Variants in MINDY4B observed in about 807,000 individuals in gnomAD.
MINDY4B encodes the protein inactive ubiquitin carboxyl-terminal hydrolase MINDY-4B.
Under a neutral mutation model 16.7 loss-of-function variants are expected in MINDY4B, and 25 were observed. That is an observed-to-expected ratio of 1.49 (90% CI 1.09 to 2.09). The LOEUF is 2.09. Ranked by LOEUF, MINDY4B falls within the 30% of genes most tolerant of loss-of-function variation. The pLI is 0.00. For synonymous variants in MINDY4B, 132 were observed against 61.9 expected (o/e 2.13, Z -5.32); for missense variants, 327 against 168.4 (o/e 1.94, Z -5.21).
intron 3 of MINDY4B, 38 bp from the exon 4 acceptor site, chr3:150,894,343 A>G: frequency 1.5e-6 from 1 of 671,012 alleles, no homozygotes; most frequent in Non-Finnish European, 2.7e-6. Context: ...ACAAAAGAGA[A>G]TTCTTCCTAG....
At chr3:150,903,116 C>A in intron 3 of MINDY4B, 133 bp downstream of exon 3, 1 of 396,482 alleles carries the variant, frequency 2.5e-6, no homozygotes, top group Non-Finnish European at 4.4e-6. Flanking sequence ...ATTATATTCT[C>A]CTTTTACCAA....
intron 3 of MINDY4B, among the ~76,000 whole-genome samples, chr3:150,899,442 T>C (rs952670721): frequency 6.6e-6 from 1 of 152,160 alleles, no homozygotes; most frequent in African/African-American, 2.4e-5. Flanking sequence ...GGGAAGTCAT[T>C]ATGACCCCTA....
intron 10 of MINDY4B, among the ~76,000 whole-genome samples, chr3:150,874,845 G>A (rs1717055254): frequency 1.3e-5 from 2 of 152,204 alleles, no homozygotes; most frequent in South Asian, 4.1e-4. Context: ...AAATTCTTCA[G>A]CTGTGGGTGA....
At chr3:150,886,928 G>T (rs1031502735) in intron 7 of MINDY4B, among the ~76,000 whole-genome samples, 1 of 152,128 alleles carries the variant, frequency 6.6e-6, no homozygotes, top group Non-Finnish European at 1.5e-5. Flanking sequence ...TTATCCATGG[G>T]TGATAAGTTC....
intron 8 of MINDY4B, among the ~76,000 whole-genome samples, chr3:150,884,931 CT>C (rs1398385861): frequency 6.6e-6 from 1 of 152,192 alleles, no homozygotes; most frequent in Admixed American, 6.5e-5. Flanking sequence ...CTTTCCCAGC[CT>C]GGACTCTGCA....
chr3:150,896,632 G>T (rs1398076666), intron 3 of MINDY4B, among the ~76,000 whole-genome samples: 1 of 152,154 alleles, frequency 6.6e-6, no homozygotes, highest in Non-Finnish European at 1.5e-5. Flanking sequence ...GAGAGCTGCA[G>T]TGATTGTTAT....
intron 11 of MINDY4B, among the ~76,000 whole-genome samples, chr3:150,871,694 C>T (rs1391293732): frequency 6.6e-6 from 1 of 152,088 alleles, no homozygotes. Context: ...ACTAAAAATA[C>T]AGAAAATTAG....
At chr3:150,880,071 T>C (rs1294854451) in intron 10 of MINDY4B, among the ~76,000 whole-genome samples, 2 of 152,270 alleles carry the variant, frequency 1.3e-5, no homozygotes, top group Non-Finnish European at 2.9e-5. Flanking sequence ...ACATCCATGA[T>C]TTCCTCTGCT....
Position 150,903,269 on chromosome 3 carries a change from T to C in MINDY4B, c.289A>G (p.Ile97Val). 1 of 398,542 alleles carries C rather than the reference T, an allele frequency of 2.5e-6. No homozygotes were observed. The highest frequency in any genetic ancestry group is 2.1e-5 in the African/African-American group (1 of 48,746). The allele number at this position is 398,542 out of a possible 1,614,324, so 24.7% of individuals were successfully genotyped here. The change falls in exon 3 of 12, where the codon ATC becomes GTC. Residue 97 changes from isoleucine (I) to valine (V), a missense_variant. Coordinates refer to ENST00000465419, the MANE Select transcript of MINDY4B (RefSeq NM_001351281.2). The part of the protein sequence containing the change: ...IISSKLGGFP[I>V]SLAMATKLRQ... ...CTTACCGTGGCCATTGCTAGGGAGA[T>C]AGGAAAGCCACCCAATTTTGAAGAG...
Position 150,886,524 on chromosome 3 carries a change from G to A in MINDY4B, c.754-1086C>T, listed in dbSNP as rs73152601. On this transcript the variant is annotated intron_variant, in intron 7 of 11. Transcript: ENST00000465419. ...TTGCTGCTGTAACAAAGTGCCACAG[G>A]CTTGGTGGCTTAAAACAACACGAAT... Among the ~76,000 whole-genome samples, 923 of 152,302 alleles carry A rather than the reference G, an allele frequency of 6.1e-3. 3 individuals carry two copies. Among genetic ancestry groups the A allele is most frequent in the Middle Eastern group, 0.034 (10 of 294 alleles).
intron 3 of MINDY4B, chr3:150,901,528 T>TTTC (rs1559969743): frequency 2.3e-5 from 2 of 88,722 alleles, no homozygotes; most frequent in South Asian, 3.0e-4. Flanking sequence ...TTTTCTTTTT[T>TTTC]TTTTTTTTTT....
rs772027771 is a variant in MINDY4B, at chr3:150,905,055, T to G, written c.141+7A>C. On this transcript the variant is annotated splice_region_variant and intron_variant, in intron 2 of 11. Coordinates refer to ENST00000465419, the MANE Select transcript of MINDY4B (RefSeq NM_001351281.2). ...GAGAACACACTGGCTTTGGGAAAAG[T>G]AATTACCTGAGGAGTTGAATTATTG... 5.3e-5 allele frequency: 21 copies of G among 398,418 alleles called. No individual in the cohort carries two copies. The highest frequency in any genetic ancestry group is 8.8e-5 in the Admixed American group (2 of 22,712). The allele number at this position is 398,418 out of a possible 1,614,324, so 24.7% of individuals were successfully genotyped here. A position where few individuals can be genotyped will look rare whatever the true frequency, so the allele number is the denominator to read the frequency against.
intron 3 of MINDY4B, among the ~76,000 whole-genome samples, chr3:150,899,539 T>G (rs1244081690): frequency 6.6e-6 from 1 of 152,094 alleles, no homozygotes; most frequent in Non-Finnish European, 1.5e-5. Context: ...GGAGAGGGAC[T>G]CAGCTAGCCA....
In MINDY4B at chr3:150,893,426, G is replaced by A. The variant is rs776907723; in HGVS notation, c.430-11C>T. On this transcript the variant is annotated splice_polypyrimidine_tract_variant and intron_variant, in intron 4 of 11. Transcript: ENST00000465419. The stretch of plus-strand genomic sequence containing the variant: ...GCTTCGGGCCCCTCCCTGAAATGAG[G>A]AGAATGAATGACGAGGTGAAGAACT... 2.4e-5 allele frequency: 17 copies of A among 701,664 alleles called. No homozygotes were observed. The highest frequency in any genetic ancestry group is 1.9e-4 in the African/African-American group (11 of 57,048). 43.5% of individuals were successfully genotyped at this position (701,664 alleles called of 1,614,324 possible).
intron 5 of MINDY4B, 120 bp downstream of exon 5, chr3:150,893,204 T>G: frequency 1.5e-6 from 1 of 654,642 alleles, no homozygotes; most frequent in South Asian, 1.7e-5. Flanking sequence ...GACAGGGCCA[T>G]TTCTGTCTTA....
chr3:150,891,066 A>G lies in MINDY4B; in HGVS notation c.559T>C (p.Leu187=), dbSNP rs747732418. 5.7e-6 allele frequency: 4 copies of G among 702,814 alleles called. No individual in the cohort carries two copies. The highest frequency in any genetic ancestry group is 1.0e-5 in the Non-Finnish European group (4 of 384,802). 43.5% of individuals were successfully genotyped at this position (702,814 alleles called of 1,614,324 possible). The change falls in exon 6 of 12, where the codon TTG becomes CTG. Residue 187 remains leucine (L), a synonymous_variant. Coordinates refer to ENST00000465419, the MANE Select transcript of MINDY4B (RefSeq NM_001351281.2). ...AGGATGCCAGCAAGCGCCGCGGCCA[A>G]GGCTTGCTCCTGCTCCTTCTTGCTT... ...EISKKEQEQA[L]AAALAGILWA...
At chr3:150,889,504 C>T (rs942148458) in intron 7 of MINDY4B, among the ~76,000 whole-genome samples, 1 of 152,216 alleles carries the variant, frequency 6.6e-6, no homozygotes, top group Non-Finnish European at 1.5e-5. Context: ...TGACTAACAA[C>T]CTTAATATCC....
chr3:150,880,552 G>A (rs1711514187), intron 10 of MINDY4B, among the ~76,000 whole-genome samples: 1 of 152,266 alleles, frequency 6.6e-6, no homozygotes, highest in Non-Finnish European at 1.5e-5. Context: ...TAAGTGAGTT[G>A]TTTGAAAGAA....
At chr3:150,893,706 GGT>G (rs1491543340) in intron 4 of MINDY4B, among the ~76,000 whole-genome samples, 555 of 35,084 alleles carry the variant, frequency 0.016, 13 homozygotes, top group Middle Eastern at 0.11. Flanking sequence ...TGGGGGGGGG[GGT>G]GGGGTGCAGT....
Sources: gnomAD v4.1 joint callset for allele counts (sites outside exome capture counted in the v4.1 genomes callset) on GRCh38, gnomAD v4.1.1 for gene constraint, MANE v1.5 for transcripts, NCBI Gene and HGNC (gene_info 2026-07-23, HGNC 2026-07-21) for gene names.